Variants in MRPL48 observed in about 807,000 individuals in gnomAD.
The protein encoded by MRPL48 is large ribosomal subunit protein mL48.
Under a neutral mutation model 32.9 loss-of-function variants are expected in MRPL48, and 16 were observed. The observed-to-expected ratio is 0.49, with a 90% CI of 0.33 to 0.74. MRPL48 has a LOEUF of 0.74. Among genes scored for constraint, MRPL48 ranks in the 30% least tolerant of loss-of-function variants. MRPL48 has a pLI of 0.02. For missense variants in MRPL48, 206 were observed against 245.3 expected (o/e 0.84, Z 1.07); for synonymous variants, 94 against 89.2 (o/e 1.05, Z -0.31).
chr11:73,819,622 A>C (rs139247966), intron 3 of MRPL48, among the ~76,000 whole-genome samples: 1 of 152,346 alleles, frequency 6.6e-6, no homozygotes, highest in East Asian at 1.9e-4. Context: ...AGTGCCTGGT[A>C]TAATGCCTGA....
At position 73,787,986 on chromosome 11, in the gene MRPL48, G is replaced by A; in HGVS notation, c.15G>A (p.Leu5=). 1 of 1,596,866 alleles carries A rather than the reference G, an allele frequency of 6.3e-7. No homozygotes were observed. The highest frequency in any genetic ancestry group is 1.1e-5 in the South Asian group (1 of 90,714). Residue 5 remains leucine, a synonymous_variant, in exon 1 of 8, where the codon TTG becomes TTA. Transcript: ENST00000310614. The stretch of plus-strand genomic sequence containing the variant: ...AGCAGCAAAGGATGAGCGGAACCTT[G>A]GAAAAGGTAACGTAGATTCCACGCA... MSGT[L]EKVLCLRNNT...
intron 2 of MRPL48, among the ~76,000 whole-genome samples, chr11:73,806,477 A>AC (rs1947456559): frequency 6.6e-6 from 1 of 151,724 alleles, no homozygotes; most frequent in African/African-American, 2.4e-5. Flanking sequence ...TAAAATATAC[A>AC]CCCCTCCATC....
intron 4 of MRPL48, among the ~76,000 whole-genome samples, chr11:73,834,285 G>A (rs1160701246): frequency 6.6e-6 from 1 of 152,102 alleles, no homozygotes; most frequent in Non-Finnish European, 1.5e-5. Context: ...ACAATACCAG[G>A]GGCTTAAGTA....
intron 4 of MRPL48, among the ~76,000 whole-genome samples, chr11:73,839,371 T>C (rs1253187252): frequency 3.9e-5 from 6 of 152,150 alleles, no homozygotes; most frequent in African/African-American, 1.2e-4. Flanking sequence ...TTTCTTTTTT[T>C]CTTAAAAAAA....
At chr11:73,843,155 G>A (rs556342999) in intron 4 of MRPL48, 1 of 151,818 alleles carries the variant, frequency 6.6e-6, no homozygotes, top group African/African-American at 2.4e-5. Context: ...GATTATTTTC[G>A]GTTGAGGTGC....
chr11:73,793,081 T>G (rs1266536725), intron 1 of MRPL48, among the ~76,000 whole-genome samples: 1 of 152,146 alleles, frequency 6.6e-6, no homozygotes, highest in African/African-American at 2.4e-5. Flanking sequence ...TTTATTTATT[T>G]TGAGATGGAG....
intron 4 of MRPL48, among the ~76,000 whole-genome samples, chr11:73,827,198 C>T (rs1947913687): frequency 1.3e-5 from 2 of 151,974 alleles, no homozygotes; most frequent in African/African-American, 4.8e-5. Context: ...GCCTGACCAA[C>T]ATGGCAGGAA....
At chr11:73,854,872 A>G (rs17132397) in intron 5 of MRPL48, among the ~76,000 whole-genome samples, 13,019 of 152,254 alleles carry the variant, frequency 0.086, 667 homozygotes, top group South Asian at 0.26. Flanking sequence ...AGATCAACGT[A>G]TCAAAGCTGG....
At chr11:73,832,795 C>T (rs1443346340) in intron 4 of MRPL48, 1 of 152,168 alleles carries the variant, frequency 6.6e-6, no homozygotes, top group East Asian at 1.9e-4. Flanking sequence ...TTTATATTAG[C>T]ACTCATGTTT....
In MRPL48 at chr11:73,862,866, CTA is replaced by C. The variant is rs1205445266; in HGVS notation, c.475-304_475-303del. Among the ~76,000 whole-genome samples the C allele has an allele frequency of 3.3e-5, 5 of 152,262 alleles. No homozygotes were observed. In the South Asian group the frequency reaches 1.0e-3, roughly 31 times the overall value. On this transcript the variant is annotated intron_variant, in intron 6 of 7. Transcript: ENST00000310614. The stretch of plus-strand genomic sequence containing the variant: ...CCCAGGAGTTCAAGGTTGCGGTGAG[CTA>C]TGATTGTTCTACTGCGCTCCAGCCT...
intron 3 of MRPL48, among the ~76,000 whole-genome samples, chr11:73,811,219 A>G (rs1255204011): frequency 6.6e-6 from 1 of 152,200 alleles, no homozygotes; most frequent in Non-Finnish European, 1.5e-5. Flanking sequence ...TGAACATGGT[A>G]GTATCCTTGG....
At chr11:73,856,255 T>C (rs556449678) in intron 5 of MRPL48, among the ~76,000 whole-genome samples, 199 of 152,330 alleles carry the variant, frequency 1.3e-3, no homozygotes, top group Admixed American at 6.4e-3. Flanking sequence ...GACTGTGGTA[T>C]TGTTAGGCAA....
At chr11:73,842,241 G>C (rs1434942975) in intron 4 of MRPL48, 1 of 152,126 alleles carries the variant, frequency 6.6e-6, no homozygotes, top group African/African-American at 2.4e-5. Context: ...GTGAGCCACT[G>C]TGCCTAGCTG....
At chr11:73,815,891 T>TA (rs1223400301) in intron 3 of MRPL48, among the ~76,000 whole-genome samples, 2 of 145,320 alleles carry the variant, frequency 1.4e-5, no homozygotes, top group Non-Finnish European at 3.1e-5. Context: ...GCTTGACTTT[T>TA]ATTTTTTTTT....
intron 7 of MRPL48, 95 bp downstream of exon 7, chr11:73,863,356 G>T (rs1204736324): frequency 2.9e-6 from 3 of 1,049,220 alleles, no homozygotes; most frequent in Admixed American, 2.4e-5. Context: ...AAAGAACAGA[G>T]AAATGTGGAT....
At chr11:73,840,717 C>G (rs965392160) in intron 4 of MRPL48, among the ~76,000 whole-genome samples, 1 of 152,078 alleles carries the variant, frequency 6.6e-6, no homozygotes, top group Non-Finnish European at 1.5e-5. Context: ...CCAGGCTGGT[C>G]TTGAACTCCT....
intron 1 of MRPL48, among the ~76,000 whole-genome samples, chr11:73,794,293 C>T (rs765061989): frequency 1.3e-5 from 2 of 152,010 alleles, no homozygotes; most frequent in East Asian, 1.9e-4. Flanking sequence ...TGGTGGCTCA[C>T]GCCTGTACTC....
At chr11:73,859,237 A>C (rs998415007) in intron 5 of MRPL48, among the ~76,000 whole-genome samples, 3 of 151,986 alleles carry the variant, frequency 2.0e-5, no homozygotes, top group Admixed American at 2.0e-4. Flanking sequence ...CCTCCAAAGC[A>C]TACCTAGTGA....
intron 5 of MRPL48, among the ~76,000 whole-genome samples, chr11:73,853,581 T>A (rs1431275051): frequency 6.6e-6 from 1 of 151,818 alleles, no homozygotes; most frequent in Non-Finnish European, 1.5e-5. Context: ...TGACAGCACT[T>A]AGCACAGACA....
Sources: gnomAD v4.1 joint callset for allele counts (sites outside exome capture counted in the v4.1 genomes callset) on GRCh38, gnomAD v4.1.1 for gene constraint, MANE v1.5 for transcripts, NCBI Gene and HGNC (gene_info 2026-07-23, HGNC 2026-07-21) for gene names.